Variants in PIP4K2A observed in about 807,000 individuals in gnomAD.
The protein encoded by PIP4K2A is phosphatidylinositol-5-phosphate 4-kinase type 2 alpha.
Under a neutral mutation model 42.9 loss-of-function variants are expected in PIP4K2A, and 14 were observed. The observed-to-expected ratio is 0.33, with a 90% CI of 0.22 to 0.51. The LOEUF (loss-of-function observed/expected upper bound fraction) is 0.51, where lower values mean the gene tolerates loss of function less well. Among genes scored for constraint, PIP4K2A ranks in the 20% least tolerant of loss-of-function variants. PIP4K2A has a pLI of 0.97. For missense variants in PIP4K2A, 434 were observed against 519.8 expected, an observed-to-expected ratio of 0.83 and a Z score of 1.61; for synonymous variants, 192 against 192.2, an observed-to-expected ratio of 1.00 and a Z score of 0.01.
intron 6 of PIP4K2A, among the ~76,000 whole-genome samples, chr10:22,559,702 G>A (rs1046987336): frequency 2.6e-5 from 4 of 152,142 alleles, no homozygotes. Flanking sequence ...CTGGAATAGA[G>A]AAGATTTTAG....
intron 1 of PIP4K2A, among the ~76,000 whole-genome samples, chr10:22,684,475 T>G (rs1839722589): frequency 6.6e-6 from 1 of 152,208 alleles, no homozygotes; most frequent in Admixed American, 6.5e-5. Context: ...ATGCGCTTGT[T>G]TCATTATACT....
chr10:22,607,875 T>A (rs1376092860), intron 3 of PIP4K2A, 52 bp downstream of exon 3: 1 of 1,139,620 alleles, frequency 8.8e-7, no homozygotes, highest in Admixed American at 1.7e-5. Context: ...ACAGCAAAAG[T>A]CATGGCAAAA....
intron 1 of PIP4K2A, among the ~76,000 whole-genome samples, chr10:22,695,644 T>C (rs768231975): frequency 5.3e-5 from 8 of 152,130 alleles, no homozygotes; most frequent in Non-Finnish European, 1.2e-4. Flanking sequence ...CTTTGGGGGA[T>C]TGGTTCCAGG....
In PIP4K2A at chr10:22,686,953, G is replaced by A. The variant is rs755530400; in HGVS notation, c.144+27230C>T. Among the ~76,000 whole-genome samples the A allele has an allele frequency of 5.3e-5, 8 of 152,248 alleles. No homozygotes were observed. In the East Asian group the frequency reaches 5.8e-4, roughly 11 times the overall value. On this transcript the variant is annotated intron_variant, in intron 1 of 9. Coordinates refer to ENST00000376573, the MANE Select transcript of PIP4K2A (RefSeq NM_005028.5). The stretch of plus-strand genomic sequence containing the variant: ...GAGGTATTCCGCAGCTGAAGAACGC[G>A]CACATTCTGTCTCCTGCTCCACAGT...
chr10:22,565,162 C>T (rs775685421), intron 6 of PIP4K2A, among the ~76,000 whole-genome samples: 5 of 152,170 alleles, frequency 3.3e-5, no homozygotes, highest in Non-Finnish European at 4.4e-5. Context: ...CCTGGGGGAC[C>T]TCACCCACTT....
chr10:22,567,935 G>C, intron 5 of PIP4K2A, 46 bp from the exon 6 acceptor site: 1 of 1,532,084 alleles, frequency 6.5e-7, no homozygotes, highest in South Asian at 1.1e-5. Flanking sequence ...GGAGGCATTG[G>C]GTTTCACACG....
chr10:22,597,511 A>G (rs1244573524), intron 3 of PIP4K2A, among the ~76,000 whole-genome samples: 2 of 152,116 alleles, frequency 1.3e-5, no homozygotes, highest in Non-Finnish European at 2.9e-5. Context: ...TGTCCCATCC[A>G]CTTTCTCTGC....
At chr10:22,571,226 G>C (rs1015393478) in intron 5 of PIP4K2A, among the ~76,000 whole-genome samples, 23 of 152,288 alleles carry the variant, frequency 1.5e-4, no homozygotes, top group Admixed American at 5.2e-4. Context: ...TGTTTATTTA[G>C]ATCTGGGCAT....
At chr10:22,651,392 C>A (rs1838993753) in intron 1 of PIP4K2A, among the ~76,000 whole-genome samples, 1 of 152,244 alleles carries the variant, frequency 6.6e-6, no homozygotes, top group African/African-American at 2.4e-5. Flanking sequence ...CCTGACCCCA[C>A]CTTGTCCCCA....
chr10:22,708,608 T>C (rs897029535), intron 1 of PIP4K2A, among the ~76,000 whole-genome samples: 3 of 152,128 alleles, frequency 2.0e-5, no homozygotes, highest in Admixed American at 2.0e-4. Flanking sequence ...ACCATTCTTC[T>C]AAGGGCTCAT....
At position 22,655,151 on chromosome 10, in the gene PIP4K2A, C is replaced by T. The variant is rs185628264; in HGVS notation, c.145-45434G>A. Among the ~76,000 whole-genome samples the T allele has an allele frequency of 5.2e-3, 785 of 152,292 alleles. 4 individuals carry two copies. The highest frequency in any genetic ancestry group is 7.6e-3 in the Non-Finnish European group (520 of 68,034). On this transcript the variant is annotated intron_variant, in intron 1 of 9. Coordinates refer to ENST00000376573, the MANE Select transcript of PIP4K2A (RefSeq NM_005028.5). Reference sequence around the variant, plus strand: ...CTCAAGAGGCAGGACAGAGGACATACACAAGGTAAATTGATAGAAGCCCTG... The same window carrying T: ...CTCAAGAGGCAGGACAGAGGACATATACAAGGTAAATTGATAGAAGCCCTG...
intron 1 of PIP4K2A, among the ~76,000 whole-genome samples, chr10:22,660,408 C>A (rs1223281726): frequency 6.6e-6 from 1 of 151,992 alleles, no homozygotes; most frequent in East Asian, 1.9e-4. Flanking sequence ...GAGGCAGAGA[C>A]TGCAGTGAGC....
intron 1 of PIP4K2A, among the ~76,000 whole-genome samples, chr10:22,669,976 A>C (rs1839419254): frequency 6.6e-6 from 1 of 152,238 alleles, no homozygotes; most frequent in Non-Finnish European, 1.5e-5. Context: ...TGATGCATAC[A>C]TAAATTAGAG....
chr10:22,572,088 G>A (rs1020978777), intron 5 of PIP4K2A, among the ~76,000 whole-genome samples: 12 of 152,030 alleles, frequency 7.9e-5, no homozygotes, highest in East Asian at 1.9e-4. Flanking sequence ...AAAAGCTTTC[G>A]AGTGTCCTCT....
intron 1 of PIP4K2A, among the ~76,000 whole-genome samples, chr10:22,650,871 G>C (rs1432216188): frequency 1.3e-5 from 2 of 151,246 alleles, no homozygotes; most frequent in Non-Finnish European, 1.5e-5. Context: ...CTGGCTGGCT[G>C]TTCCTGCTCT....
At chr10:22,572,030 T>C (rs1433635264) in intron 5 of PIP4K2A, among the ~76,000 whole-genome samples, 1 of 152,260 alleles carries the variant, frequency 6.6e-6, no homozygotes, top group South Asian at 2.1e-4. Flanking sequence ...ATATTTCTTA[T>C]ATTAATTTTT....
At chr10:22,600,660 G>T (rs984466660) in intron 3 of PIP4K2A, among the ~76,000 whole-genome samples, 1 of 152,202 alleles carries the variant, frequency 6.6e-6, no homozygotes, top group South Asian at 2.1e-4. Flanking sequence ...TACATGCCTC[G>T]AATCACACGG....
chr10:22,677,006 A>T (rs986187172), intron 1 of PIP4K2A, among the ~76,000 whole-genome samples: 1 of 152,200 alleles, frequency 6.6e-6, no homozygotes, highest in Non-Finnish European at 1.5e-5. Flanking sequence ...AAAAAGCATG[A>T]TTTTATTGCA....
At chr10:22,543,824 C>T (rs1439008993) in intron 7 of PIP4K2A, among the ~76,000 whole-genome samples, 1 of 152,172 alleles carries the variant, frequency 6.6e-6, no homozygotes, top group Non-Finnish European at 1.5e-5. Context: ...TCTCGGGTAC[C>T]AGCTCCGCTA....
Sources: gnomAD v4.1 joint callset for allele counts (sites outside exome capture counted in the v4.1 genomes callset) on GRCh38, gnomAD v4.1.1 for gene constraint, MANE v1.5 for transcripts, NCBI Gene and HGNC (gene_info 2026-07-23, HGNC 2026-07-21) for gene names.